Variants in LPGAT1 observed in about 807,000 individuals in gnomAD.
LPGAT1 encodes the protein acyl-CoA:lysophosphatidylglycerol acyltransferase 1.
In LPGAT1, 11 loss-of-function variants were observed where a neutral mutation model predicts 47.5. The ratio of observed to expected loss-of-function variants is 0.23; its 90% CI spans 0.15 to 0.38. The LOEUF is 0.38. LPGAT1 is among the 10% of genes least tolerant of loss of function. The pLI, the probability that LPGAT1 is intolerant of heterozygous loss-of-function variation, is 1.00. For synonymous variants in LPGAT1, 138 were observed against 144.2 expected (o/e 0.96, Z 0.31); for missense variants, 293 against 439.0 (o/e 0.67, Z 2.97).
intron 5 of LPGAT1, among the ~76,000 whole-genome samples, chr1:211,779,736 C>T (rs1658558591): frequency 6.6e-6 from 1 of 152,040 alleles, no homozygotes; most frequent in African/African-American, 2.4e-5. Context: ...CCTGTAGTCC[C>T]AGCTGTTTGG....
chr1:211,801,958 C>T (rs755578513), intron 2 of LPGAT1, among the ~76,000 whole-genome samples: 5 of 151,324 alleles, frequency 3.3e-5, no homozygotes, highest in Non-Finnish European at 7.4e-5. Flanking sequence ...CATGGTGGCA[C>T]ACACCTGTAG....
At chr1:211,785,010 A>T (rs538134047) in intron 4 of LPGAT1, among the ~76,000 whole-genome samples, 6 of 152,094 alleles carry the variant, frequency 3.9e-5, no homozygotes, top group African/African-American at 7.2e-5. Flanking sequence ...TCACCGTGTT[A>T]GCCAGGATGG....
intron 2 of LPGAT1, among the ~76,000 whole-genome samples, chr1:211,812,123 A>G (rs181682289): frequency 6.6e-6 from 1 of 152,238 alleles, no homozygotes; most frequent in African/African-American, 2.4e-5. Flanking sequence ...CAGATACTCA[A>G]TCAAGGTGTT....
At chr1:211,821,556 A>C (rs1205258321) in intron 2 of LPGAT1, among the ~76,000 whole-genome samples, 2 of 152,222 alleles carry the variant, frequency 1.3e-5, no homozygotes, top group Non-Finnish European at 2.9e-5. Flanking sequence ...AAGTATAATA[A>C]GCTTACTGAT....
At chr1:211,781,198 A>G (rs1344187909) in intron 5 of LPGAT1, among the ~76,000 whole-genome samples, 1 of 152,212 alleles carries the variant, frequency 6.6e-6, no homozygotes, top group Non-Finnish European at 1.5e-5. Context: ...GTAGAATGAA[A>G]AGCTTTCAGG....
intron 2 of LPGAT1, among the ~76,000 whole-genome samples, chr1:211,824,886 C>T (rs1437895325): frequency 2.6e-5 from 4 of 152,102 alleles, no homozygotes; most frequent in Admixed American, 1.3e-4. Context: ...TATCCCTCCC[C>T]GAAAAGCAGG....
At chr1:211,750,869 G>T in intron 7 of LPGAT1, 92 bp downstream of exon 7, 1 of 911,576 alleles carries the variant, frequency 1.1e-6, no homozygotes, top group Non-Finnish European at 1.7e-6. Context: ...GCATTTTCAA[G>T]TTTCAAGATC....
rs1656865858 is a variant in LPGAT1 at position 211,744,536 on chromosome 1, G to A, written c.*5363C>T. 6.6e-6 allele frequency: 1 copy of A among 152,168 alleles called. No individual in the cohort carries two copies. Among genetic ancestry groups the A allele is most frequent in the South Asian group, 2.1e-4 (1 of 4,834 alleles). The allele number at this position is 152,168 out of a possible 1,614,324, so 9.4% of individuals were successfully genotyped here. ...GACAATCAATCATAGGTTGACTGTA[G>A]GAGTTGAGCAAAAAGCAATTAAGTA... is the stretch of plus-strand genomic sequence containing the variant. On this transcript the variant is annotated 3_prime_UTR_variant, in exon 8 of 8. Transcript: ENST00000366997.
chr1:211,760,348 G>A (rs745764120), intron 6 of LPGAT1, among the ~76,000 whole-genome samples: 11 of 152,168 alleles, frequency 7.2e-5, no homozygotes, highest in East Asian at 1.9e-4. Flanking sequence ...CCAGCAACTC[G>A]GGAGGCTGAG....
Position 211,749,174 on chromosome 1 carries a change from G to A in LPGAT1, c.*725C>T, listed in dbSNP as rs140571630. On this transcript the variant is annotated 3_prime_UTR_variant, in exon 8 of 8. Transcript: ENST00000366997. ...TGCTATATCTGCATCTCAAAAAAGT[G>A]CATTTTGCAAAATTATCAATTTATG... 9.2e-5 allele frequency: 14 copies of A among 152,754 alleles called. No homozygotes were observed. Among genetic ancestry groups the A allele is most frequent in the African/African-American group, 2.9e-4 (12 of 41,544 alleles). The allele number at this position is 152,754 out of a possible 1,614,324, so 9.5% of individuals were successfully genotyped here. A position where few individuals can be genotyped will look rare whatever the true frequency, so the allele number is the denominator to read the frequency against.
intron 2 of LPGAT1, among the ~76,000 whole-genome samples, chr1:211,813,871 G>A (rs1195802470): frequency 6.6e-6 from 1 of 152,120 alleles, no homozygotes; most frequent in Non-Finnish European, 1.5e-5. Flanking sequence ...CTGCCCTTAA[G>A]CAATTTACAA....
chr1:211,809,202 A>G (rs908709767), intron 2 of LPGAT1, among the ~76,000 whole-genome samples: 1 of 151,900 alleles, frequency 6.6e-6, no homozygotes, highest in African/African-American at 2.4e-5. Flanking sequence ...GAGACTCCAA[A>G]AAAAAAAAAT....
At chr1:211,762,143 G>A (rs1022870570) in intron 6 of LPGAT1, among the ~76,000 whole-genome samples, 3 of 152,140 alleles carry the variant, frequency 2.0e-5, no homozygotes, top group South Asian at 4.1e-4. Context: ...AAGGGCCACA[G>A]GGCTAAAAGA....
chr1:211,783,612 T>G (rs1324114010), intron 4 of LPGAT1, 110 bp from the exon 5 acceptor site: 8 of 1,007,998 alleles, frequency 7.9e-6, no homozygotes, highest in South Asian at 2.1e-5. Flanking sequence ...CAGAATAGAA[T>G]AGTGATTCCC....
chr1:211,780,283 C>T (rs1658582931), intron 5 of LPGAT1, among the ~76,000 whole-genome samples: 2 of 152,182 alleles, frequency 1.3e-5, no homozygotes, highest in Non-Finnish European at 2.9e-5. Flanking sequence ...GCTTCCTGCC[C>T]TTTGGAAGGT....
intron 2 of LPGAT1, among the ~76,000 whole-genome samples, chr1:211,818,087 G>C (rs1287243391): frequency 1.3e-5 from 2 of 152,050 alleles, no homozygotes; most frequent in Non-Finnish European, 2.9e-5. Context: ...CACCCGCCTT[G>C]GCCTTCCGAA....
At chr1:211,828,085 T>C (rs767264172) in intron 2 of LPGAT1, among the ~76,000 whole-genome samples, 2 of 152,184 alleles carry the variant, frequency 1.3e-5, no homozygotes, top group Non-Finnish European at 2.9e-5. Flanking sequence ...AGAACTGCCA[T>C]ACTGCTTGAC....
chr1:211,829,031 C>T (rs1393012337), intron 2 of LPGAT1, 28 bp downstream of exon 2: 2 of 1,603,036 alleles, frequency 1.2e-6, no homozygotes, highest in African/African-American at 1.3e-5. Context: ...TTTTCTTATG[C>T]ATTAAAGAAA....
chr1:211,749,577 C>A lies in LPGAT1; in HGVS notation c.*322G>T, dbSNP rs996331628. Reference sequence around the variant, plus strand: ...GCTTCAACTAAATTGTCAAGTATAACTGGTGGCAACAGAATTTCTCTCAGA... The same window carrying A: ...GCTTCAACTAAATTGTCAAGTATAAATGGTGGCAACAGAATTTCTCTCAGA... On this transcript the variant is annotated 3_prime_UTR_variant, in exon 8 of 8. Transcript: ENST00000366997. 7.0e-6 allele frequency: 2 copies of A among 285,130 alleles called. No individual in the cohort carries two copies. The highest frequency in any genetic ancestry group is 5.4e-5 in the Admixed American group (1 of 18,494). 17.7% of individuals were successfully genotyped at this position (285,130 alleles called of 1,614,324 possible).
Sources: gnomAD v4.1 joint callset for allele counts (sites outside exome capture counted in the v4.1 genomes callset) on GRCh38, gnomAD v4.1.1 for gene constraint, MANE v1.5 for transcripts, NCBI Gene and HGNC (gene_info 2026-07-23, HGNC 2026-07-21) for gene names.